Variants in SCAI observed in about 807,000 individuals in gnomAD.
SCAI encodes the protein protein SCAI.
Under a neutral mutation model 92.2 loss-of-function variants are expected in SCAI, and 24 were observed. The ratio of observed to expected loss-of-function variants is 0.26; its 90% CI spans 0.19 to 0.37. SCAI has a LOEUF of 0.37. Ranked by LOEUF, SCAI falls within the 10% of genes least tolerant of loss-of-function variation. The pLI, the probability that SCAI is intolerant of heterozygous loss-of-function variation, is 1.00. For missense variants in SCAI, 450 were observed against 736.2 expected, an observed-to-expected ratio of 0.61 and a Z score of 4.50; for synonymous variants, 261 against 258.6, an observed-to-expected ratio of 1.01 and a Z score of -0.09.
rs777724017 is a variant in SCAI at position 125,003,128 on chromosome 9, C to A, written c.1051G>T (p.Ala351Ser). The change falls in exon 11 of 18, where the codon GCA (alanine) becomes TCA (serine). Residue 351 changes from alanine to serine, a missense_variant. Coordinates refer to ENST00000336505, the MANE Select transcript of SCAI (RefSeq NM_001144877.3). ...ATCACACATACCTTAAAAGACGCTG[C>A]TAAGAAGGTATATAGCTGGCTGAAG... Reference protein sequence around the residue: ...PTFSQLYTFLAASFKELPANS... With the variant: ...PTFSQLYTFLSASFKELPANS... The A allele has an allele frequency of 6.2e-7, 1 of 1,612,130 alleles. No individual in the cohort carries two copies. Among genetic ancestry groups the A allele is most frequent in the African/African-American group, 1.3e-5 (1 of 74,832 alleles).
At chr9:125,132,261 G>C (rs550992167) in intron 2 of SCAI, among the ~76,000 whole-genome samples, 1 of 151,844 alleles carries the variant, frequency 6.6e-6, no homozygotes, top group Non-Finnish European at 1.5e-5. Context: ...TTACAGGCAC[G>C]TACCACCACG....
intron 14 of SCAI, among the ~76,000 whole-genome samples, chr9:124,979,243 A>C (rs10819018): frequency 0.36 from 54,410 of 151,702 alleles, 9,910 homozygotes; most frequent in Admixed American, 0.4. Context: ...AAGAAAACTA[A>C]AGACTATTTC....
intron 2 of SCAI, among the ~76,000 whole-genome samples, chr9:125,086,805 T>G (rs1445074745): frequency 1.3e-5 from 2 of 152,204 alleles, no homozygotes; most frequent in African/African-American, 4.8e-5. Flanking sequence ...AGCTGCATGA[T>G]TTTAGCCAAG....
chr9:125,061,778 G>GAAGAA (rs911410348), intron 2 of SCAI, among the ~76,000 whole-genome samples: 7 of 151,070 alleles, frequency 4.6e-5, no homozygotes, highest in South Asian at 2.1e-4. Flanking sequence ...GAAATGAAAC[G>GAAGAA]AAGAAAAGAA....
chr9:125,047,769 C>T (rs888829242), intron 3 of SCAI, among the ~76,000 whole-genome samples: 2 of 152,282 alleles, frequency 1.3e-5, no homozygotes, highest in East Asian at 3.9e-4. Flanking sequence ...AAAATACTCA[C>T]TGTGTTTCAA....
rs190072502 is a variant in SCAI at position 125,104,764 on chromosome 9, A to C, written c.98+37869T>G. Among the ~76,000 whole-genome samples, 411 of 152,058 alleles carry C rather than the reference A, an allele frequency of 2.7e-3. 4 individuals are homozygous for C. Among genetic ancestry groups the C allele is most frequent in the African/African-American group, 9.6e-3 (398 of 41,494 alleles). On this transcript the variant is annotated intron_variant, in intron 2 of 17. Coordinates refer to ENST00000336505, the MANE Select transcript of SCAI (RefSeq NM_001144877.3). Reference sequence around the variant, plus strand: ...CAAAACCCTTTGTTTGTCAAAAAACAAACAAACAAACTACACTGGTAATGT... The same window carrying C: ...CAAAACCCTTTGTTTGTCAAAAAACCAACAAACAAACTACACTGGTAATGT...
chr9:124,971,228 GGT>G (rs1260281766), intron 17 of SCAI, 140 bp downstream of exon 17: 3 of 471,958 alleles, frequency 6.4e-6, no homozygotes, highest in Non-Finnish European at 1.1e-5. Flanking sequence ...CCAGTGTGAC[GGT>G]ACATTTGTAA....
At chr9:125,061,493 C>T (rs1048616588) in intron 2 of SCAI, among the ~76,000 whole-genome samples, 2 of 152,200 alleles carry the variant, frequency 1.3e-5, no homozygotes, top group Non-Finnish European at 2.9e-5. Context: ...GGCCCAGTGG[C>T]TCACGCCTGT....
intron 2 of SCAI, among the ~76,000 whole-genome samples, chr9:125,132,543 C>A (rs1281741745): frequency 6.6e-6 from 1 of 152,190 alleles, no homozygotes; most frequent in Admixed American, 6.5e-5. Flanking sequence ...TGCTTCTCTG[C>A]AAAACACCCA....
intron 6 of SCAI, among the ~76,000 whole-genome samples, chr9:125,025,509 T>C (rs561712955): frequency 1.3e-5 from 2 of 152,228 alleles, no homozygotes; most frequent in African/African-American, 2.4e-5. Context: ...TTAATGCCGA[T>C]AAAATGTTAT....
chr9:125,066,163 T>C (rs1833864865), intron 2 of SCAI: 1 of 576,954 alleles, frequency 1.7e-6, no homozygotes, highest in Non-Finnish European at 3.1e-6. Context: ...TATGTAATTA[T>C]CAGAATTAAC....
intron 2 of SCAI, among the ~76,000 whole-genome samples, chr9:125,103,110 C>G (rs1367336645): frequency 6.6e-6 from 1 of 152,114 alleles, no homozygotes; most frequent in African/African-American, 2.4e-5. Flanking sequence ...TCCTCAGAGG[C>G]CTTCCCTACC....
chr9:124,963,000 T>C (rs920394656), intron 17 of SCAI, among the ~76,000 whole-genome samples: 6 of 151,838 alleles, frequency 4.0e-5, no homozygotes, highest in Non-Finnish European at 7.4e-5. Context: ...GGTTTCACCA[T>C]GTTGGCCAGG....
At chr9:125,015,345 AAAC>A (rs1355056510) in intron 9 of SCAI, among the ~76,000 whole-genome samples, 14 of 152,222 alleles carry the variant, frequency 9.2e-5, no homozygotes, top group Admixed American at 2.0e-4. Context: ...AGAAAAAAAC[AAAC>A]AACCCCATCA....
intron 2 of SCAI, among the ~76,000 whole-genome samples, chr9:125,063,102 A>C (rs1470808016): frequency 1.7e-4 from 24 of 138,024 alleles, no homozygotes; most frequent in South Asian, 2.3e-4. Flanking sequence ...ATAACCCCCC[A>C]CCCCCCCCAG....
Position 125,143,527 on chromosome 9 carries a change from G to A in SCAI, c.-90C>T. Reference sequence around the variant, plus strand: ...GGCGGAGGCTGGAGTAGGCGGAGAGGCGGGAGGAGGGCCTCGCGCCTCTGC... The same window carrying A: ...GGCGGAGGCTGGAGTAGGCGGAGAGACGGGAGGAGGGCCTCGCGCCTCTGC... On this transcript the variant is annotated 5_prime_UTR_variant, in exon 1 of 18. Transcript: ENST00000336505. The A allele has an allele frequency of 1.7e-6, 2 of 1,144,896 alleles. No homozygotes were observed. Among genetic ancestry groups the A allele is most frequent in the East Asian group, 3.2e-5 (1 of 30,882 alleles). 70.9% of individuals were successfully genotyped at this position (1,144,896 alleles called of 1,614,324 possible).
chr9:125,137,349 T>C (rs1334643205), intron 2 of SCAI, among the ~76,000 whole-genome samples: 1 of 152,200 alleles, frequency 6.6e-6, no homozygotes, highest in Non-Finnish European at 1.5e-5. Context: ...CTTACTTAAA[T>C]TCCTGGAGAA....
intron 17 of SCAI, among the ~76,000 whole-genome samples, chr9:124,954,690 C>A (rs765709956): frequency 6.6e-6 from 1 of 152,132 alleles, no homozygotes; most frequent in Non-Finnish European, 1.5e-5. Flanking sequence ...TTAACTATCA[C>A]CACAACCAAT....
rs1831215362 is a variant in SCAI at position 124,950,387 on chromosome 9, G to T, written c.*2420C>A. On this transcript the variant is annotated 3_prime_UTR_variant, in exon 18 of 18. Coordinates refer to ENST00000336505, the MANE Select transcript of SCAI (RefSeq NM_001144877.3). Reference sequence around the variant, plus strand: ...ACGCTTAAGTTACCAGGAAAGCCAGGACTAGAACTTAGGTCTCCTAGTTCT... The same window carrying T: ...ACGCTTAAGTTACCAGGAAAGCCAGTACTAGAACTTAGGTCTCCTAGTTCT... 1 of 152,058 alleles carries T rather than the reference G, an allele frequency of 6.6e-6. No homozygotes were observed. The highest frequency in any genetic ancestry group is 2.4e-5 in the African/African-American group (1 of 41,408). The allele number at this position is 152,058 out of a possible 1,614,324, so 9.4% of individuals were successfully genotyped here.
Sources: gnomAD v4.1 joint callset for allele counts (sites outside exome capture counted in the v4.1 genomes callset) on GRCh38, gnomAD v4.1.1 for gene constraint, MANE v1.5 for transcripts, NCBI Gene and HGNC (gene_info 2026-07-23, HGNC 2026-07-21) for gene names.